LRRTM4: variants seen among roughly 807,000 people sequenced by gnomAD.
LRRTM4 encodes the protein leucine-rich repeat transmembrane neuronal protein 4.
Under a neutral mutation model 47.6 loss-of-function variants are expected in LRRTM4, and 25 were observed. The observed-to-expected ratio is 0.53, with a 90% CI of 0.38 to 0.73. LRRTM4 has a LOEUF of 0.73. Ranked by LOEUF, LRRTM4 falls within the 30% of genes least tolerant of loss-of-function variation. The probability of loss-of-function intolerance (pLI) is 0.00; values close to 1 mark genes in which losing one functional copy is unlikely to be tolerated. For missense variants in LRRTM4, 638 were observed against 713.4 expected (o/e 0.89, Z 1.20); for synonymous variants, 311 against 269.5 (o/e 1.15, Z -1.51).
chr2:77,132,263 C>T (rs1353498358), intron 3 of LRRTM4, among the ~76,000 whole-genome samples: 1 of 152,106 alleles, frequency 6.6e-6, no homozygotes, highest in Non-Finnish European at 1.5e-5. Context: ...CTGTGTCTGG[C>T]TTATTTCACT....
chr2:77,444,492 C>T (rs1675970674), intron 3 of LRRTM4, among the ~76,000 whole-genome samples: 1 of 151,912 alleles, frequency 6.6e-6, no homozygotes, highest in Admixed American at 6.6e-5. Context: ...TTGATTATTT[C>T]CAGGATGGGA....
intron 3 of LRRTM4, among the ~76,000 whole-genome samples, chr2:77,402,234 C>A (rs1673989179): frequency 6.6e-6 from 1 of 151,932 alleles, no homozygotes; most frequent in African/African-American, 2.4e-5. Context: ...CAGCTTCAAA[C>A]TCCTAGGCTC....
chr2:77,516,491 G>T (rs968487612), intron 3 of LRRTM4, among the ~76,000 whole-genome samples: 10 of 151,818 alleles, frequency 6.6e-5, no homozygotes, highest in Middle Eastern at 3.4e-3. Context: ...CAAAAGTCAA[G>T]AGAAAATGAA....
At chr2:76,927,256 T>C (rs1573324143) in intron 3 of LRRTM4, among the ~76,000 whole-genome samples, 1 of 152,230 alleles carries the variant, frequency 6.6e-6, no homozygotes, top group African/African-American at 2.4e-5. Flanking sequence ...AATTACCATA[T>C]GTATCCACAT....
chr2:77,041,954 T>A (rs1184900478), intron 3 of LRRTM4, among the ~76,000 whole-genome samples: 1 of 151,244 alleles, frequency 6.6e-6, no homozygotes, highest in African/African-American at 2.4e-5. Context: ...ACACTTTCTT[T>A]ATGCTCATAT....
chr2:77,458,955 T>C (rs1294568106), intron 3 of LRRTM4, among the ~76,000 whole-genome samples: 1 of 151,960 alleles, frequency 6.6e-6, no homozygotes, highest in Non-Finnish European at 1.5e-5. Flanking sequence ...ATCATGCCCT[T>C]TGTTTCTTTC....
At chr2:76,975,583 T>C (rs1676391558) in intron 3 of LRRTM4, among the ~76,000 whole-genome samples, 1 of 151,702 alleles carries the variant, frequency 6.6e-6, no homozygotes, top group Admixed American at 6.6e-5. Context: ...GCTCCATATG[T>C]TCAAAATAAA....
intron 3 of LRRTM4, among the ~76,000 whole-genome samples, chr2:77,108,808 C>A (rs1301535253): frequency 1.3e-5 from 2 of 152,036 alleles, no homozygotes; most frequent in Admixed American, 6.5e-5. Flanking sequence ...TGGTCTCGAT[C>A]TCCTGACCTC....
chr2:77,504,841 G>T (rs1678708920), intron 3 of LRRTM4, among the ~76,000 whole-genome samples: 1 of 151,300 alleles, frequency 6.6e-6, no homozygotes, highest in Non-Finnish European at 1.5e-5. Context: ...AAGAAATGTG[G>T]ATTTTGTAGG....
At position 76,834,784 on chromosome 2, in the gene LRRTM4, A is replaced by G. The variant is rs540584693; in HGVS notation, c.1552-85868T>C. ...TCTTTGGAAAGATGATTCCTACATA[A>G]AATTCACTCAATGAAAATAGAAGAA... On this transcript the variant is annotated intron_variant, in intron 3 of 3. Transcript: ENST00000409884. Among the ~76,000 whole-genome samples the G allele has an allele frequency of 9.2e-5, 14 of 152,260 alleles. No homozygotes were observed. The South Asian group carries it at 2.9e-3, about 32-fold the overall frequency.
chr2:77,357,981 G>A (rs1334013689), intron 3 of LRRTM4, among the ~76,000 whole-genome samples: 1 of 152,064 alleles, frequency 6.6e-6, no homozygotes, highest in Non-Finnish European at 1.5e-5. Flanking sequence ...GACAAAATTA[G>A]AATATAAACC....
At chr2:76,996,087 T>C (rs758139876) in intron 3 of LRRTM4, among the ~76,000 whole-genome samples, 8 of 151,788 alleles carry the variant, frequency 5.3e-5, no homozygotes, top group Non-Finnish European at 8.8e-5. Flanking sequence ...GAACAAAACA[T>C]AGGTATATAT....
intron 3 of LRRTM4, among the ~76,000 whole-genome samples, chr2:77,450,604 T>G (rs975107937): frequency 6.6e-6 from 1 of 152,158 alleles, no homozygotes; most frequent in Non-Finnish European, 1.5e-5. Context: ...TTGTTGCCTC[T>G]CTTTGTCTCT....
intron 3 of LRRTM4, among the ~76,000 whole-genome samples, chr2:77,390,523 T>C (rs781636048): frequency 2.0e-5 from 3 of 152,024 alleles, no homozygotes; most frequent in Non-Finnish European, 2.9e-5. Flanking sequence ...TAAATATGTA[T>C]ATATGAAGAT....
chr2:77,258,257 C>G (rs1433057223), intron 3 of LRRTM4, among the ~76,000 whole-genome samples: 1 of 151,970 alleles, frequency 6.6e-6, no homozygotes, highest in Non-Finnish European at 1.5e-5. Context: ...TGTAATATGG[C>G]AAAGTCACTG....
chr2:77,424,233 T>C (rs1239507878), intron 3 of LRRTM4, among the ~76,000 whole-genome samples: 1 of 152,190 alleles, frequency 6.6e-6, no homozygotes, highest in East Asian at 1.9e-4. Context: ...AAGAGTTCTG[T>C]ACATTTTAGT....
At chr2:77,487,285 G>A (rs1677955131) in intron 3 of LRRTM4, among the ~76,000 whole-genome samples, 1 of 152,228 alleles carries the variant, frequency 6.6e-6, no homozygotes, top group South Asian at 2.1e-4. Context: ...GGGGACCCAG[G>A]AAGCTCCTTG....
intron 3 of LRRTM4, among the ~76,000 whole-genome samples, chr2:76,799,782 A>C (rs1675558240): frequency 7.2e-6 from 1 of 138,532 alleles, no homozygotes. Flanking sequence ...ATGTACAAAA[A>C]TCACAAGCAT....
At chr2:77,225,464 T>G (rs901167343) in intron 3 of LRRTM4, among the ~76,000 whole-genome samples, 3 of 151,464 alleles carry the variant, frequency 2.0e-5, no homozygotes, top group Admixed American at 2.0e-4. Context: ...GTGCTTGCGG[T>G]GTGCCCAGCA....
Sources: gnomAD v4.1 joint callset for allele counts (sites outside exome capture counted in the v4.1 genomes callset) on GRCh38, gnomAD v4.1.1 for gene constraint, MANE v1.5 for transcripts, NCBI Gene and HGNC (gene_info 2026-07-23, HGNC 2026-07-21) for gene names.